Variants in SCAPER observed in about 807,000 individuals in gnomAD.
SCAPER encodes S phase cyclin A-associated protein in the endoplasmic reticulum.
Under a neutral mutation model 182.2 loss-of-function variants are expected in SCAPER, and 98 were observed. The observed-to-expected ratio is 0.54, with a 90% CI of 0.46 to 0.64. SCAPER has a LOEUF of 0.64. Among genes scored for constraint, SCAPER ranks in the 30% least tolerant of loss-of-function variants. The pLI is 0.00. For synonymous variants in SCAPER, 605 were observed against 564.6 expected (o/e 1.07, Z -1.01); for missense variants, 1,432 against 1,690.0 (o/e 0.85, Z 2.68).
intron 26 of SCAPER, among the ~76,000 whole-genome samples, chr15:76,418,125 A>G (rs1344267249): frequency 5.3e-5 from 8 of 152,220 alleles, no homozygotes; most frequent in Admixed American, 5.2e-4. Flanking sequence ...GGAAGTGACC[A>G]AAACAACAAG....
intron 25 of SCAPER, among the ~76,000 whole-genome samples, chr15:76,446,433 A>C (rs756819049): frequency 3.9e-5 from 6 of 152,206 alleles, no homozygotes; most frequent in Non-Finnish European, 7.3e-5. Flanking sequence ...TTCTCATTGC[A>C]ATAGCTGCCC....
intron 23 of SCAPER, among the ~76,000 whole-genome samples, chr15:76,571,128 C>T (rs1466369629): frequency 6.6e-6 from 1 of 152,172 alleles, no homozygotes; most frequent in Non-Finnish European, 1.5e-5. Flanking sequence ...TAAACCACAA[C>T]TCACATTTGC....
chr15:76,785,866 G>A (rs2064555495), intron 8 of SCAPER, among the ~76,000 whole-genome samples: 1 of 152,128 alleles, frequency 6.6e-6, no homozygotes, highest in African/African-American at 2.4e-5. Context: ...TCACACACTG[G>A]GGCCTGTCGT....
At chr15:76,840,690 A>G (rs1042218387) in intron 5 of SCAPER, among the ~76,000 whole-genome samples, 1 of 152,216 alleles carries the variant, frequency 6.6e-6, no homozygotes, top group African/African-American at 2.4e-5. Flanking sequence ...GTTCATCATA[A>G]AAACAGAAGT....
At chr15:76,605,270 A>G (rs1053991318) in intron 22 of SCAPER, among the ~76,000 whole-genome samples, 4 of 152,076 alleles carry the variant, frequency 2.6e-5, no homozygotes, top group Admixed American at 6.6e-5. Flanking sequence ...TTCTGCATCT[A>G]TTGAGATAAT....
chr15:76,871,797 G>T (rs546856971), intron 2 of SCAPER, among the ~76,000 whole-genome samples: 5 of 151,926 alleles, frequency 3.3e-5, no homozygotes, highest in African/African-American at 1.2e-4. Context: ...CACCATGTTG[G>T]CCAGGCTGGT....
chr15:76,738,898 A>G (rs966639335), intron 15 of SCAPER, among the ~76,000 whole-genome samples: 8 of 152,214 alleles, frequency 5.3e-5, no homozygotes, highest in Non-Finnish European at 1.0e-4. Flanking sequence ...GCAAAAATAA[A>G]GACTTTGCTT....
chr15:76,409,499 ATG>A (rs371959404), intron 26 of SCAPER, among the ~76,000 whole-genome samples: 125 of 150,334 alleles, frequency 8.3e-4, no homozygotes, highest in African/African-American at 2.8e-3. Flanking sequence ...CATATACATT[ATG>A]TGTGTGTGTG....
chr15:76,383,888 T>C (rs187647724), intron 27 of SCAPER, among the ~76,000 whole-genome samples: 144 of 152,340 alleles, frequency 9.5e-4, no homozygotes, highest in Non-Finnish European at 1.4e-3. Context: ...TGCAATCTTG[T>C]ATTGTCGAGG....
intron 25 of SCAPER, among the ~76,000 whole-genome samples, chr15:76,447,490 G>A (rs1312473128): frequency 6.6e-6 from 1 of 152,102 alleles, no homozygotes; most frequent in Non-Finnish European, 1.5e-5. Flanking sequence ...CTAAACCTGT[G>A]GGTATGATGC....
chr15:76,884,014 G>A, intron 1 of SCAPER, 138 bp from the exon 2 acceptor site: 1 of 519,668 alleles, frequency 1.9e-6, no homozygotes, highest in South Asian at 2.9e-5. Context: ...TACCTGTTGG[G>A]GTATAATATA....
chr15:76,832,114 C>T (rs2068541994), intron 5 of SCAPER, among the ~76,000 whole-genome samples: 1 of 152,204 alleles, frequency 6.6e-6, no homozygotes, highest in Non-Finnish European at 1.5e-5. Context: ...GCACTAGCTC[C>T]TCAGCAATGG....
chr15:76,615,568 C>A (rs533387212), intron 22 of SCAPER, among the ~76,000 whole-genome samples: 2 of 150,982 alleles, frequency 1.3e-5, no homozygotes, highest in Non-Finnish European at 2.9e-5. Flanking sequence ...CACCTGTAAT[C>A]CCAGCACTTT....
At chr15:76,873,855 C>A (rs1171414075) in intron 2 of SCAPER, among the ~76,000 whole-genome samples, 1 of 151,874 alleles carries the variant, frequency 6.6e-6, no homozygotes, top group Non-Finnish European at 1.5e-5. Flanking sequence ...CCTGAATAAT[C>A]CCCATGTGTT....
At chr15:76,615,511 A>G (rs2051388270) in intron 22 of SCAPER, among the ~76,000 whole-genome samples, 2 of 151,214 alleles carry the variant, frequency 1.3e-5, no homozygotes, top group Admixed American at 6.6e-5. Flanking sequence ...ACACACACAC[A>G]CACACACACA....
chr15:76,825,910 AATTTTTGT>A, intron 5 of SCAPER, among the ~76,000 whole-genome samples: 1 of 152,172 alleles, frequency 6.6e-6, no homozygotes, highest in Middle Eastern at 3.4e-3. Flanking sequence ...ACGCCCAGCT[AATTTTTGT>A]ATTTTTAGTA....
intron 21 of SCAPER, among the ~76,000 whole-genome samples, chr15:76,631,030 A>C (rs1032171332): frequency 1.3e-4 from 20 of 152,086 alleles, no homozygotes; most frequent in Non-Finnish European, 1.3e-4. Flanking sequence ...TGTTGAATTG[A>C]CTCATTTATC....
At chr15:76,424,982 G>C (rs2046322407) in intron 26 of SCAPER, among the ~76,000 whole-genome samples, 1 of 152,180 alleles carries the variant, frequency 6.6e-6, no homozygotes, top group Non-Finnish European at 1.5e-5. Context: ...TCTGCTGAGA[G>C]ATCAGCTGTT....
At chr15:76,404,218 A>G (rs2142140874) in intron 27 of SCAPER, among the ~76,000 whole-genome samples, 1 of 152,168 alleles carries the variant, frequency 6.6e-6, no homozygotes, top group Non-Finnish European at 1.5e-5. Context: ...TCGATGACTG[A>G]AGGAGAATCA....
Sources: allele counts gnomAD v4.1 joint callset (sites outside exome capture counted in the v4.1 genomes callset), GRCh38; gene constraint gnomAD v4.1.1; transcripts MANE v1.5; gene names NCBI Gene and HGNC (gene_info 2026-07-23, HGNC 2026-07-21).